The following INPP4B variants were observed in gnomAD, a reference collection of about 807,000 sequenced individuals.
INPP4B encodes the protein inositol polyphosphate 4-phosphatase type II.
In INPP4B, 55 loss-of-function variants were observed where a neutral mutation model predicts 122.5. That is an observed-to-expected ratio of 0.45 (90% CI 0.36 to 0.56). The LOEUF is 0.56. Among genes scored for constraint, INPP4B ranks in the 20% least tolerant of loss-of-function variants. The pLI is 0.00. For synonymous variants in INPP4B, 403 were observed against 388.7 expected (o/e 1.04, Z -0.43); for missense variants, 1,000 against 1,097.7 (o/e 0.91, Z 1.26).
At chr4:142,294,716 G>A (rs545441044) in intron 9 of INPP4B, among the ~76,000 whole-genome samples, 60 of 150,484 alleles carry the variant, frequency 4.0e-4, no homozygotes, top group Non-Finnish European at 7.1e-4. Context: ...CATAAATGAG[G>A]TAAGAAGAGG....
At chr4:142,676,453 C>A (rs1483430239) in intron 2 of INPP4B, among the ~76,000 whole-genome samples, 1 of 152,114 alleles carries the variant, frequency 6.6e-6, no homozygotes. Flanking sequence ...CCCCAACAAG[C>A]TACCATTCAC....
chr4:142,282,414 C>T (rs1206838616), intron 9 of INPP4B, among the ~76,000 whole-genome samples: 3 of 152,052 alleles, frequency 2.0e-5, no homozygotes, highest in Admixed American at 2.0e-4. Flanking sequence ...AACAAATTTC[C>T]ATAAACCCAC....
rs184466663 is a variant in INPP4B, at chr4:142,179,236, G to A, written c.1182-5427C>T. 3.5e-4 allele frequency among the ~76,000 whole-genome samples: 54 copies of A among 152,156 alleles called. 1 individual carries two copies. The highest frequency in any genetic ancestry group is 1.2e-3 in the African/African-American group (48 of 41,506). ...ACCTGTAGTCCCAGCATTTTGGGAGGCCGAGGTGGGCAGCTTGCCTGAGTT... is the reference window on the plus strand; with the variant it reads ...ACCTGTAGTCCCAGCATTTTGGGAGACCGAGGTGGGCAGCTTGCCTGAGTT... On this transcript the variant is annotated intron_variant, in intron 15 of 25. Transcript: ENST00000262992.
At chr4:142,110,602 C>T (rs148086402) in intron 22 of INPP4B, among the ~76,000 whole-genome samples, 60 of 152,172 alleles carry the variant, frequency 3.9e-4, no homozygotes, top group Non-Finnish European at 6.8e-4. Flanking sequence ...CTCAAATTAA[C>T]GGTTGATGTC....
Position 142,028,898 on chromosome 4 carries a change from C to G in INPP4B, c.2659G>C (p.Glu887Gln), listed in dbSNP as rs1276763932. The change falls in exon 26 of 26, where the codon GAG becomes CAG. Residue 887 changes from glutamate (E) to glutamine (Q), a missense_variant. By Grantham distance (29) the Glu-to-Gln change is conservative (BLOSUM62 2). Transcript: ENST00000262992. ...DCMRREGCRIENVLKNIKCRK... is the reference protein window; with the variant it reads ...DCMRREGCRIQNVLKNIKCRK... ...CATTTGATATTCTTCAGTACATTCT[C>G]TATGCGGCATCCTTCTCTGGTGAAA... 1 of 1,612,036 alleles carries G rather than the reference C, an allele frequency of 6.2e-7. No individual in the cohort carries two copies. Among genetic ancestry groups the G allele is most frequent in the East Asian group, 2.2e-5 (1 of 44,768 alleles).
intron 25 of INPP4B, chr4:142,029,985 A>T: frequency 2.2e-6 from 3 of 1,379,370 alleles, no homozygotes; most frequent in Non-Finnish European, 1.9e-6. Context: ...TTTGTTTTTT[A>T]GATTTTAGGA....
intron 1 of INPP4B, among the ~76,000 whole-genome samples, chr4:142,757,930 G>A (rs566095095): frequency 1.3e-5 from 2 of 152,100 alleles, no homozygotes; most frequent in Admixed American, 6.5e-5. Context: ...CAATATCTGG[G>A]CCCAAATCTA....
At chr4:142,687,720 G>A (rs1439337608) in intron 2 of INPP4B, among the ~76,000 whole-genome samples, 1 of 152,028 alleles carries the variant, frequency 6.6e-6, no homozygotes, top group African/African-American at 2.4e-5. Flanking sequence ...AGGAATAGAA[G>A]ACATAGCCCT....
At chr4:142,456,842 T>C (rs1268101373) in intron 3 of INPP4B, among the ~76,000 whole-genome samples, 1 of 151,986 alleles carries the variant, frequency 6.6e-6, no homozygotes, top group Non-Finnish European at 1.5e-5. Context: ...AAGAAAAAGC[T>C]AATTCTAAAC....
intron 18 of INPP4B, among the ~76,000 whole-genome samples, chr4:142,139,352 C>A (rs1395879748): frequency 6.6e-6 from 1 of 152,026 alleles, no homozygotes; most frequent in Non-Finnish European, 1.5e-5. Context: ...TGTCACCCAG[C>A]CTGGAGTGCA....
At chr4:142,243,832 T>C (rs1860717678) in intron 11 of INPP4B, among the ~76,000 whole-genome samples, 1 of 151,970 alleles carries the variant, frequency 6.6e-6, no homozygotes, top group Non-Finnish European at 1.5e-5. Flanking sequence ...ATCTCAATAT[T>C]TAGCTCAATT....
intron 2 of INPP4B, among the ~76,000 whole-genome samples, chr4:142,651,538 T>C (rs1752960253): frequency 6.6e-6 from 1 of 152,046 alleles, no homozygotes; most frequent in Non-Finnish European, 1.5e-5. Context: ...ATAAAGGGGA[T>C]ATCACCACCG....
chr4:142,782,681 G>A (rs1247605394), intron 1 of INPP4B, among the ~76,000 whole-genome samples: 22 of 152,150 alleles, frequency 1.4e-4, no homozygotes, highest in Middle Eastern at 3.4e-3. Context: ...CATTCTAACT[G>A]GTGTGAGATG....
chr4:142,427,505 T>C, intron 5 of INPP4B: 1 of 651,444 alleles, frequency 1.5e-6, no homozygotes, highest in Non-Finnish European at 2.8e-6. Context: ...GATGGTGTTG[T>C]TACTGAAATT....
At chr4:142,765,272 A>G (rs1771941603) in intron 1 of INPP4B, among the ~76,000 whole-genome samples, 1 of 152,124 alleles carries the variant, frequency 6.6e-6, no homozygotes, top group Non-Finnish European at 1.5e-5. Context: ...CAGGTGAGGG[A>G]AATGAGGTCT....
rs192848422 is a variant in INPP4B, at chr4:142,809,438, G to A, written c.-254+36771C>T. ...TAAAATTCCAGCTGTTCTAACAAGT[G>A]TTACAGAGATCCATTAGTCTCTAAT... is the stretch of plus-strand genomic sequence containing the variant. On this transcript the variant is annotated intron_variant, in intron 1 of 25. Coordinates refer to ENST00000262992, the MANE Select transcript of INPP4B (RefSeq NM_001101669.3). 2.1e-3 allele frequency among the ~76,000 whole-genome samples: 314 copies of A among 152,168 alleles called. 1 individual carries two copies. Among genetic ancestry groups the A allele is most frequent in the Non-Finnish European group, 3.2e-3 (218 of 67,998 alleles).
chr4:142,747,158 A>T (rs1381929648), intron 1 of INPP4B, among the ~76,000 whole-genome samples: 1 of 142,394 alleles, frequency 7.0e-6, no homozygotes, highest in Non-Finnish European at 1.5e-5. Flanking sequence ...TCTACAAGGA[A>T]TTTAAACAAA....
chr4:142,260,973 A>C (rs1739691320), intron 10 of INPP4B, among the ~76,000 whole-genome samples: 1 of 152,266 alleles, frequency 6.6e-6, no homozygotes, highest in African/African-American at 2.4e-5. Flanking sequence ...TTTAAATAAA[A>C]GACAAAATAT....
chr4:142,642,856 G>A (rs942441108), intron 2 of INPP4B, among the ~76,000 whole-genome samples: 5 of 152,092 alleles, frequency 3.3e-5, no homozygotes, highest in Non-Finnish European at 7.4e-5. Flanking sequence ...AATTACCTTG[G>A]GCAGTATGGC....
Sources: gnomAD v4.1 joint callset for allele counts (sites outside exome capture counted in the v4.1 genomes callset) on GRCh38, gnomAD v4.1.1 for gene constraint, MANE v1.5 for transcripts, NCBI Gene and HGNC (gene_info 2026-07-23, HGNC 2026-07-21) for gene names.